The following LSM14A variants were observed in gnomAD, a reference collection of about 807,000 sequenced individuals.
The protein encoded by LSM14A is LSM14A mRNA processing body assembly factor.
A neutral mutation model predicts 52.4 loss-of-function variants in LSM14A; 14 were observed. That is an observed-to-expected ratio of 0.27 (90% CI 0.18 to 0.42). The LOEUF (loss-of-function observed/expected upper bound fraction) is 0.42. Among genes scored for constraint, LSM14A ranks in the 10% least tolerant of loss-of-function variants. The pLI is 1.00. For synonymous variants in LSM14A, 185 were observed against 200.3 expected (o/e 0.92, Z 0.64); for missense variants, 417 against 581.8 (o/e 0.72, Z 2.91).
intron 1 of LSM14A, among the ~76,000 whole-genome samples, chr19:34,184,122 C>G (rs2069709760): frequency 6.8e-6 from 1 of 146,042 alleles, no homozygotes; most frequent in South Asian, 2.2e-4. Flanking sequence ...ATGGCGCAAT[C>G]TTGGCTCACT....
chr19:34,194,114 A>G (rs996231050), intron 1 of LSM14A, among the ~76,000 whole-genome samples: 2 of 152,228 alleles, frequency 1.3e-5, no homozygotes, highest in Admixed American at 6.5e-5. Flanking sequence ...CTGAGGCTGC[A>G]GGAAGCCATG....
chr19:34,172,722 A>G lies in LSM14A; in HGVS notation c.80A>G (p.Tyr27Cys). The change falls in exon 1 of 10, where the codon TAC becomes TGC. Residue 27 changes from tyrosine to cysteine, a missense_variant. By Grantham distance (194) the Tyr-to-Cys change is radical (BLOSUM62 -2). Transcript: ENST00000544216. ...KAEIRYEGIL[Y>C]TIDTENSTVA... is the part of the protein sequence containing the mutation. ...GAGATCCGCTACGAGGGCATCCTCTACACCATCGACACCGAAAACTCCACC... is the reference window on the plus strand; with the variant it reads ...GAGATCCGCTACGAGGGCATCCTCTGCACCATCGACACCGAAAACTCCACC... The G allele has an allele frequency of 6.3e-7, 1 of 1,579,646 alleles. No homozygotes were observed. The highest frequency in any genetic ancestry group is 8.6e-7 in the Non-Finnish European group (1 of 1,164,546).
intron 3 of LSM14A, among the ~76,000 whole-genome samples, chr19:34,204,548 CA>C (rs34920125): frequency 9.2e-4 from 114 of 123,390 alleles, no homozygotes; most frequent in East Asian, 1.7e-3. Flanking sequence ...CTTGTCTCTG[CA>C]AAAAAAAAAA....
Position 34,215,580 on chromosome 19 carries a change from A to C in LSM14A, c.716-16A>C. The C allele has an allele frequency of 1.9e-6, 3 of 1,603,402 alleles. No homozygotes were observed. The highest frequency in any genetic ancestry group is 2.6e-6 in the Non-Finnish European group (3 of 1,170,884). On this transcript the variant is annotated splice_polypyrimidine_tract_variant and intron_variant, in intron 5 of 9. Transcript: ENST00000544216. ...ACCCTGAGTTGATTTGGCACTTTGC[A>C]TGTCTTCTTCTGTAGCTGAAGTACA...
At chr19:34,204,825 C>T (rs2071561609) in intron 3 of LSM14A, among the ~76,000 whole-genome samples, 1 of 152,128 alleles carries the variant, frequency 6.6e-6, no homozygotes, top group Admixed American at 6.5e-5. Flanking sequence ...GCTTTAAATA[C>T]ATGTATTAGA....
At chr19:34,195,905 T>C (rs1200761820) in intron 2 of LSM14A, among the ~76,000 whole-genome samples, 2 of 152,248 alleles carry the variant, frequency 1.3e-5, no homozygotes, top group African/African-American at 4.8e-5. Flanking sequence ...TTGATCTCCT[T>C]ATTCATTCAT....
chr19:34,202,839 A>T (rs555819222), intron 3 of LSM14A, among the ~76,000 whole-genome samples: 11 of 152,098 alleles, frequency 7.2e-5, no homozygotes, highest in Admixed American at 4.6e-4. Context: ...TATTTTTTTT[A>T]GTAGAGACGG....
chr19:34,221,334 G>C (rs1229151742), intron 8 of LSM14A, 173 bp from the exon 9 acceptor site: 1 of 686,660 alleles, frequency 1.5e-6, no homozygotes, highest in Non-Finnish European at 2.4e-6. Flanking sequence ...CCGCCCCCTC[G>C]GCCTCCCAAA....
chr19:34,223,279 A>G (rs2073164001), intron 9 of LSM14A, among the ~76,000 whole-genome samples: 1 of 151,692 alleles, frequency 6.6e-6, no homozygotes, highest in Non-Finnish European at 1.5e-5. Flanking sequence ...ACTGGGTCCC[A>G]CTCTCACTAT....
At chr19:34,182,325 G>A (rs1442064826) in intron 1 of LSM14A, among the ~76,000 whole-genome samples, 1 of 152,084 alleles carries the variant, frequency 6.6e-6, no homozygotes, top group African/African-American at 2.4e-5. Context: ...TCTTTTTTCT[G>A]TGGAACTTTG....
rs1468049183 is a variant in LSM14A at position 34,215,121 on chromosome 19, T to C, written c.539-3T>C. ...AGTTTGTTATCTTTTGGTTACATTT[T>C]AGGTCGCTCAAGCCCTCAGTTAGAC... On this transcript the variant is annotated splice_polypyrimidine_tract_variant and splice_region_variant and intron_variant, in intron 4 of 9. Transcript: ENST00000544216. 1.9e-6 allele frequency: 3 copies of C among 1,602,174 alleles called. No individual in the cohort carries two copies. The highest frequency in any genetic ancestry group is 2.6e-6 in the Non-Finnish European group (3 of 1,176,320).
At chr19:34,205,134 A>G (rs1042965715) in intron 3 of LSM14A, among the ~76,000 whole-genome samples, 2 of 152,110 alleles carry the variant, frequency 1.3e-5, no homozygotes, top group Admixed American at 6.6e-5. Flanking sequence ...TTTGTCTCAA[A>G]TAAAAAGGAA....
At chr19:34,214,017 A>T (rs899353196) in intron 4 of LSM14A, among the ~76,000 whole-genome samples, 1 of 152,098 alleles carries the variant, frequency 6.6e-6, no homozygotes, top group Non-Finnish European at 1.5e-5. Context: ...TCCTGAGCTC[A>T]AGCGATCTGC....
intron 1 of LSM14A, among the ~76,000 whole-genome samples, chr19:34,179,925 A>G (rs2069356555): frequency 6.6e-6 from 1 of 152,142 alleles, no homozygotes; most frequent in South Asian, 2.1e-4. Flanking sequence ...CCATTGAAGT[A>G]AATTTTGTTG....
chr19:34,224,925 T>C (rs1218352918), intron 9 of LSM14A, among the ~76,000 whole-genome samples: 3 of 152,226 alleles, frequency 2.0e-5, no homozygotes, highest in African/African-American at 7.2e-5. Flanking sequence ...ACTTATCCTT[T>C]ACAGCCTTGC....
intron 2 of LSM14A, among the ~76,000 whole-genome samples, chr19:34,196,040 A>G (rs2070810819): frequency 6.6e-6 from 1 of 152,182 alleles, no homozygotes; most frequent in South Asian, 2.1e-4. Context: ...ATATTATGAA[A>G]CAGTTTATAG....
chr19:34,203,254 G>A (rs2071431442), intron 3 of LSM14A, among the ~76,000 whole-genome samples: 1 of 152,306 alleles, frequency 6.6e-6, no homozygotes, highest in South Asian at 2.1e-4. Context: ...ATTTACTCCA[G>A]TTGATTGTTT....
intron 1 of LSM14A, among the ~76,000 whole-genome samples, chr19:34,175,619 TATATTAGTCTACATG>T: frequency 6.6e-6 from 1 of 152,358 alleles, no homozygotes; most frequent in East Asian, 1.9e-4. Flanking sequence ...CAAACCTTTA[TATATTAGTCTACATG>T]ATATTATCTA....
intron 1 of LSM14A, among the ~76,000 whole-genome samples, 154 bp downstream of exon 1, chr19:34,172,917 C>G (rs2068804341): frequency 6.6e-6 from 1 of 152,086 alleles, no homozygotes; most frequent in Non-Finnish European, 1.5e-5. Context: ...CGTCGCGGGC[C>G]GGACCGCGGC....
Sources: allele counts gnomAD v4.1 joint callset (sites outside exome capture counted in the v4.1 genomes callset), GRCh38; gene constraint gnomAD v4.1.1; transcripts MANE v1.5; gene names NCBI Gene and HGNC (gene_info 2026-07-23, HGNC 2026-07-21).